The following SBF2 variants were observed in gnomAD, a reference collection of about 807,000 sequenced individuals.
SBF2 encodes the protein myotubularin-related protein 13.
Under a neutral mutation model 225.2 loss-of-function variants are expected in SBF2, and 112 were observed. The observed-to-expected ratio is 0.50, with a 90% confidence interval of 0.43 to 0.58. The LOEUF (loss-of-function observed/expected upper bound fraction) is 0.58. Among genes scored for constraint, SBF2 ranks in the 20% least tolerant of loss-of-function variants. The pLI, the probability that SBF2 is intolerant of heterozygous loss-of-function variation, is 0.00. For missense variants in SBF2, 1,996 were observed against 2,206.2 expected (o/e 0.90, Z 1.91); for synonymous variants, 763 against 773.3 (o/e 0.99, Z 0.22).
chr11:10,106,577 C>G (rs527322480), intron 2 of SBF2, among the ~76,000 whole-genome samples: 8 of 145,092 alleles, frequency 5.5e-5, no homozygotes, highest in African/African-American at 1.8e-4. Context: ...TGCAGTGAGC[C>G]AAAATCGCAC....
chr11:10,100,963 C>T (rs558671438), intron 2 of SBF2, among the ~76,000 whole-genome samples: 1 of 152,184 alleles, frequency 6.6e-6, no homozygotes, highest in South Asian at 2.1e-4. Flanking sequence ...ATTTCTCAGA[C>T]GGAAAATAGA....
chr11:10,041,208 G>C (rs1228383649), intron 3 of SBF2, among the ~76,000 whole-genome samples: 1 of 152,110 alleles, frequency 6.6e-6, no homozygotes, highest in Non-Finnish European at 1.5e-5. Flanking sequence ...CAATAAAAGA[G>C]ACAGAGTGGT....
At position 9,997,188 on chromosome 11, in the gene SBF2, G is replaced by A. The variant is rs774768360; in HGVS notation, c.975+1078C>T. On this transcript the variant is annotated intron_variant, in intron 9 of 39. Coordinates refer to ENST00000256190, the MANE Select transcript of SBF2 (RefSeq NM_030962.4). The stretch of plus-strand genomic sequence containing the variant: ...GTTTCTATTTAAGAGGGGAAAAAAT[G>A]TTTTAAATAGCCCAGAATAAAATAT... Among the ~76,000 whole-genome samples the A allele has an allele frequency of 2.4e-4, 36 of 152,256 alleles. No homozygotes were observed. In the South Asian group the frequency reaches 4.4e-3, roughly 18 times the overall value.
chr11:9,838,042 T>A (rs1341302420), intron 26 of SBF2: 1 of 148,592 alleles, frequency 6.7e-6, no homozygotes, highest in African/African-American at 2.5e-5. Context: ...AGCCACTTTT[T>A]TTTTTTTTTT....
chr11:10,095,114 G>C (rs140379365), intron 2 of SBF2, among the ~76,000 whole-genome samples: 1 of 151,600 alleles, frequency 6.6e-6, no homozygotes, highest in African/African-American at 2.4e-5. Flanking sequence ...GTACAGACAA[G>C]GTCTTGCTAT....
At chr11:10,231,451 G>A (rs1958840388) in intron 1 of SBF2, among the ~76,000 whole-genome samples, 1 of 152,018 alleles carries the variant, frequency 6.6e-6, no homozygotes, top group South Asian at 2.1e-4. Context: ...ATCTACCTTT[G>A]GTCTTTGACA....
chr11:10,058,291 G>T (rs770865388), intron 2 of SBF2, among the ~76,000 whole-genome samples: 21 of 152,110 alleles, frequency 1.4e-4, no homozygotes, highest in Non-Finnish European at 2.1e-4. Flanking sequence ...GGGAGCCAAA[G>T]GACAAAATAG....
At chr11:10,255,474 G>A (rs963244775) in intron 1 of SBF2, among the ~76,000 whole-genome samples, 5 of 152,134 alleles carry the variant, frequency 3.3e-5, no homozygotes, top group African/African-American at 1.2e-4. Flanking sequence ...AGAAAAAACA[G>A]AAACACATGG....
At chr11:9,854,534 A>G (rs1377740887) in intron 19 of SBF2, among the ~76,000 whole-genome samples, 1 of 152,210 alleles carries the variant, frequency 6.6e-6, no homozygotes, top group Non-Finnish European at 1.5e-5. Context: ...GGCCATCAAC[A>G]TGCAGACTTT....
At chr11:10,179,047 A>T (rs1168925068) in intron 2 of SBF2, among the ~76,000 whole-genome samples, 1 of 147,388 alleles carries the variant, frequency 6.8e-6, no homozygotes, top group African/African-American at 2.5e-5. Context: ...CTTTGTAGGG[A>T]CATGGATGAA....
intron 28 of SBF2, among the ~76,000 whole-genome samples, chr11:9,825,827 G>T (rs1855029357): frequency 6.6e-6 from 1 of 152,176 alleles, no homozygotes. Flanking sequence ...GCAAATAGTG[G>T]ATTAAAACGA....
chr11:10,224,269 T>A (rs1028393639), intron 1 of SBF2, among the ~76,000 whole-genome samples: 6 of 152,132 alleles, frequency 3.9e-5, no homozygotes, highest in African/African-American at 1.4e-4. Context: ...TTGTCTAAGC[T>A]CATGTTGTTA....
intron 16 of SBF2, among the ~76,000 whole-genome samples, chr11:9,942,051 A>G (rs1257183955): frequency 1.3e-5 from 2 of 152,246 alleles, no homozygotes; most frequent in African/African-American, 2.4e-5. Flanking sequence ...CAAAATATGT[A>G]TGAGACCTTC....
chr11:10,066,139 T>A (rs951651208), intron 2 of SBF2, among the ~76,000 whole-genome samples: 2 of 151,696 alleles, frequency 1.3e-5, no homozygotes, highest in South Asian at 4.2e-4. Context: ...ACATTAAAGG[T>A]TTTTTCCTTA....
At chr11:10,252,127 A>C (rs1258243973) in intron 1 of SBF2, among the ~76,000 whole-genome samples, 3 of 152,232 alleles carry the variant, frequency 2.0e-5, no homozygotes, top group African/African-American at 4.8e-5. Context: ...GTTCCAGCAT[A>C]AGGAGGTACC....
At chr11:10,064,624 A>C (rs1950568149) in intron 2 of SBF2, among the ~76,000 whole-genome samples, 1 of 152,224 alleles carries the variant, frequency 6.6e-6, no homozygotes, top group Admixed American at 6.5e-5. Flanking sequence ...TTAAATAAAT[A>C]AAGCTAAAGT....
At chr11:10,245,096 T>C (rs917745731) in intron 1 of SBF2, among the ~76,000 whole-genome samples, 2 of 142,170 alleles carry the variant, frequency 1.4e-5, no homozygotes, top group African/African-American at 5.3e-5. Context: ...ATCACACCAC[T>C]GTACTCCAGC....
intron 6 of SBF2, among the ~76,000 whole-genome samples, chr11:10,003,351 T>C (rs374812101): frequency 6.7e-6 from 1 of 150,066 alleles, no homozygotes; most frequent in East Asian, 2.0e-4. Flanking sequence ...TCTTATTTTA[T>C]GCTTTTTCTT....
chr11:9,839,838 A>G (rs1255785167), intron 25 of SBF2, 142 bp from the exon 26 acceptor site: 8 of 972,532 alleles, frequency 8.2e-6, no homozygotes, highest in East Asian at 2.4e-5. Context: ...GCTCAAAGCA[A>G]TTGAGGCCTT....
Sources: gnomAD v4.1 joint callset for allele counts (sites outside exome capture counted in the v4.1 genomes callset) on GRCh38, gnomAD v4.1.1 for gene constraint, MANE v1.5 for transcripts, NCBI Gene and HGNC (gene_info 2026-07-23, HGNC 2026-07-21) for gene names.